The following XKR4 variants were observed in gnomAD, a reference collection of about 807,000 sequenced individuals.
XKR4 encodes XK related 4, also known as XK-related protein 4.
In XKR4, 12 loss-of-function variants were observed where a neutral mutation model predicts 53.9. The ratio of observed to expected loss-of-function variants is 0.22; its 90% CI spans 0.14 to 0.36. The LOEUF is 0.36. Among genes scored for constraint, XKR4 ranks in the 10% least tolerant of loss-of-function variants. XKR4 has a pLI of 1.00. For missense variants in XKR4, 799 were observed against 859.5 expected, an observed-to-expected ratio of 0.93 and a Z score of 0.88; for synonymous variants, 354 against 362.4, an observed-to-expected ratio of 0.98 and a Z score of 0.26.
At chr8:55,261,951 C>T (rs1818533053) in intron 1 of XKR4, among the ~76,000 whole-genome samples, 1 of 151,478 alleles carries the variant, frequency 6.6e-6, no homozygotes, top group Non-Finnish European at 1.5e-5. Flanking sequence ...TTATCCACGT[C>T]CTGGAAGAGA....
chr8:55,329,423 T>C (rs1266279247), intron 1 of XKR4, among the ~76,000 whole-genome samples: 1 of 152,002 alleles, frequency 6.6e-6, no homozygotes, highest in East Asian at 1.9e-4. Context: ...TCAGTGTTAG[T>C]ATATTTCATG....
chr8:55,295,291 G>C lies in XKR4; in HGVS notation c.807-62387G>C, dbSNP rs138128149. 4.9e-3 allele frequency among the ~76,000 whole-genome samples: 745 copies of C among 152,194 alleles called. 3 individuals carry two copies. The highest frequency in any genetic ancestry group is 0.012 in the East Asian group (60 of 5,180). ...AAAGACGGAAAAGTATTATGAGAAG[G>C]CACAGAAAAAGGGGATCATTTCCAG... On this transcript the variant is annotated intron_variant, in intron 1 of 2. Transcript: ENST00000327381.
chr8:55,231,334 C>T (rs1175080347), intron 1 of XKR4, among the ~76,000 whole-genome samples: 1 of 152,176 alleles, frequency 6.6e-6, no homozygotes, highest in African/African-American at 2.4e-5. Context: ...TAGGAAAATA[C>T]TCATTTCATA....
intron 1 of XKR4, among the ~76,000 whole-genome samples, chr8:55,201,311 A>C (rs544554199): frequency 6.6e-6 from 1 of 152,342 alleles, no homozygotes; most frequent in African/African-American, 2.4e-5. Context: ...CATCTGAAAA[A>C]TTGTCATGTC....
intron 2 of XKR4, among the ~76,000 whole-genome samples, chr8:55,433,041 A>G (rs999897111): frequency 7.9e-5 from 12 of 152,298 alleles, no homozygotes; most frequent in Admixed American, 7.2e-4. Context: ...TGTGTAGTTT[A>G]CTTTATATAT....
chr8:55,382,084 T>C (rs1804243399), intron 2 of XKR4, among the ~76,000 whole-genome samples: 1 of 152,240 alleles, frequency 6.6e-6, no homozygotes, highest in African/African-American at 2.4e-5. Context: ...AGAGTTATGT[T>C]TGAAGGCTTT....
intron 1 of XKR4, among the ~76,000 whole-genome samples, chr8:55,329,575 A>T (rs777451960): frequency 2.0e-5 from 3 of 152,154 alleles, no homozygotes; most frequent in Non-Finnish European, 4.4e-5. Context: ...ACATAATCAC[A>T]TTTGACATGT....
intron 2 of XKR4, among the ~76,000 whole-genome samples, chr8:55,364,972 G>GTAAAT (rs1195969414): frequency 6.6e-6 from 1 of 152,170 alleles, no homozygotes; most frequent in East Asian, 1.9e-4. Flanking sequence ...ACATAATTTA[G>GTAAAT]TTAGGTTAAT....
At chr8:55,407,576 C>G (rs568060974) in intron 2 of XKR4, among the ~76,000 whole-genome samples, 2 of 152,128 alleles carry the variant, frequency 1.3e-5, no homozygotes, top group African/African-American at 2.4e-5. Context: ...TCAGATGCCC[C>G]GGGCTCAACA....
At chr8:55,346,531 T>C (rs1292658078) in intron 1 of XKR4, among the ~76,000 whole-genome samples, 1 of 152,244 alleles carries the variant, frequency 6.6e-6, no homozygotes, top group Non-Finnish European at 1.5e-5. Context: ...ATTGTTACTA[T>C]TATTCACCAC....
intron 1 of XKR4, among the ~76,000 whole-genome samples, chr8:55,249,396 C>T (rs1408365921): frequency 6.6e-6 from 1 of 152,170 alleles, no homozygotes; most frequent in Non-Finnish European, 1.5e-5. Context: ...GTTACAAGGT[C>T]AATATAGTTG....
intron 2 of XKR4, chr8:55,452,847 AGGC>A: frequency 1.3e-6 from 1 of 770,220 alleles, no homozygotes; most frequent in African/African-American, 1.7e-5. Context: ...CTCCTGAAGC[AGGC>A]GGCTCTTGCT....
chr8:55,230,493 C>CTCCT (rs1563488547), intron 1 of XKR4, among the ~76,000 whole-genome samples: 28 of 151,636 alleles, frequency 1.8e-4, no homozygotes, highest in Non-Finnish European at 4.4e-5. Flanking sequence ...CTCAGCCTCC[C>CTCCT]GAGTAGCTGG....
chr8:55,402,057 G>GT (rs1439198981), intron 2 of XKR4, among the ~76,000 whole-genome samples: 4 of 152,136 alleles, frequency 2.6e-5, no homozygotes, highest in Non-Finnish European at 5.9e-5. Flanking sequence ...GATGATTCTT[G>GT]TATCTCCTTC....
At chr8:55,172,182 C>T (rs147045794) in intron 1 of XKR4, among the ~76,000 whole-genome samples, 142 of 150,868 alleles carry the variant, frequency 9.4e-4, no homozygotes, top group African/African-American at 3.3e-3. Context: ...CATGCCACTG[C>T]ACTGGTCGAC....
intron 1 of XKR4, among the ~76,000 whole-genome samples, chr8:55,173,700 C>T (rs1817193832): frequency 6.6e-6 from 1 of 152,284 alleles, no homozygotes; most frequent in East Asian, 1.9e-4. Context: ...ATAGCCTTTC[C>T]CAAGTATACT....
rs553520638 is a variant in XKR4, at chr8:55,126,592, G to C, written c.806+23298G>C. ...ATAGGGTAGAGGTGGAATATGATGG[G>C]GAGAACAGAGGTACATAAAGAAATA... On this transcript the variant is annotated intron_variant, in intron 1 of 2. Coordinates refer to ENST00000327381, the MANE Select transcript of XKR4 (RefSeq NM_052898.2). Among the ~76,000 whole-genome samples the C allele has an allele frequency of 2.0e-5, 3 of 152,272 alleles. No homozygotes were observed. In the South Asian group the frequency reaches 6.2e-4, roughly 32 times the overall value.
chr8:55,366,935 C>T (rs1016494130), intron 2 of XKR4, among the ~76,000 whole-genome samples: 2 of 152,208 alleles, frequency 1.3e-5, no homozygotes, highest in Non-Finnish European at 2.9e-5. Flanking sequence ...TACTTTCTTG[C>T]TCTTCACAAA....
intron 2 of XKR4, among the ~76,000 whole-genome samples, chr8:55,379,120 G>A (rs1316800296): frequency 6.6e-6 from 1 of 152,164 alleles, no homozygotes; most frequent in Non-Finnish European, 1.5e-5. Flanking sequence ...CATTAAGTCA[G>A]TGATAGGGCT....
Sources: gnomAD v4.1 joint callset for allele counts (sites outside exome capture counted in the v4.1 genomes callset) on GRCh38, gnomAD v4.1.1 for gene constraint, MANE v1.5 for transcripts, NCBI Gene and HGNC (gene_info 2026-07-23, HGNC 2026-07-21) for gene names.